Variants in KALRN observed in about 807,000 individuals in gnomAD.
The protein encoded by KALRN is kalirin RhoGEF kinase.
Under a neutral mutation model 353.7 loss-of-function variants are expected in KALRN, and 70 were observed. The observed-to-expected ratio is 0.20, with a 90% CI of 0.16 to 0.24. KALRN has a LOEUF of 0.24. Among genes scored for constraint, KALRN ranks in the 10% least tolerant of loss-of-function variants. The probability of loss-of-function intolerance (pLI) is 1.00; values close to 1 mark genes in which losing one functional copy is unlikely to be tolerated. For synonymous variants in KALRN, 1,391 were observed against 1,434.8 expected, an observed-to-expected ratio of 0.97 and a Z score of 0.69; for missense variants, 2,791 against 3,756.7, an observed-to-expected ratio of 0.74 and a Z score of 6.72.
chr3:124,174,083 A>G (rs2072302674), intron 1 of KALRN, among the ~76,000 whole-genome samples: 1 of 152,182 alleles, frequency 6.6e-6, no homozygotes, highest in Admixed American at 6.5e-5. Context: ...ATCATTATCA[A>G]AAAATTCCTG....
At chr3:124,378,062 T>A (rs1325624294) in intron 10 of KALRN, among the ~76,000 whole-genome samples, 1 of 152,112 alleles carries the variant, frequency 6.6e-6, no homozygotes, top group East Asian at 1.9e-4. Context: ...TGCTGATATG[T>A]TTAGATTTAA....
chr3:124,498,382 C>T (rs112963844), intron 33 of KALRN, among the ~76,000 whole-genome samples: 6 of 152,162 alleles, frequency 3.9e-5, no homozygotes, highest in East Asian at 3.9e-4. Flanking sequence ...CATTGAGCCC[C>T]GATGAAGGCA....
At chr3:124,557,597 A>AT (rs548047662) in intron 33 of KALRN, among the ~76,000 whole-genome samples, 207 of 152,274 alleles carry the variant, frequency 1.4e-3, no homozygotes, top group African/African-American at 4.5e-3. Flanking sequence ...CCAGCTTTAC[A>AT]TTTTTTGCCA....
chr3:124,229,216 T>C (rs916935491), intron 2 of KALRN, among the ~76,000 whole-genome samples: 29 of 152,256 alleles, frequency 1.9e-4, no homozygotes, highest in African/African-American at 7.0e-4. Context: ...ATTTACTCTC[T>C]GACCCTTTAA....
At chr3:124,213,160 G>T (rs1459139011) in intron 1 of KALRN, among the ~76,000 whole-genome samples, 2 of 152,040 alleles carry the variant, frequency 1.3e-5, no homozygotes, top group African/African-American at 4.8e-5. Context: ...TTCTCTTAAG[G>T]TTTTTAAAAA....
rs191097169 is a variant in KALRN, at chr3:124,276,658, G to T, written c.969+7403G>T. 3.5e-4 allele frequency among the ~76,000 whole-genome samples: 54 copies of T among 152,316 alleles called. No homozygotes were observed. In the Middle Eastern group the frequency reaches 0.014, roughly 39 times the overall value. On this transcript the variant is annotated intron_variant, in intron 5 of 59. Transcript: ENST00000682506. The stretch of plus-strand genomic sequence containing the variant: ...TACAATATGTAATTCTTTTCGGAAT[G>T]TTCAAAGTATTTTCACACCCATGAC...
chr3:124,714,427 A>G (rs1311796153), intron 58 of KALRN, among the ~76,000 whole-genome samples: 1 of 152,200 alleles, frequency 6.6e-6, no homozygotes, highest in Non-Finnish European at 1.5e-5. Context: ...ACTGTAGTGC[A>G]ATGGAAAGAA....
At chr3:124,699,428 T>C (rs1260658680) in intron 55 of KALRN, among the ~76,000 whole-genome samples, 1 of 152,254 alleles carries the variant, frequency 6.6e-6, no homozygotes, top group Non-Finnish European at 1.5e-5. Context: ...GAGAGAATTA[T>C]GTTGAAAACA....
chr3:124,500,335 ATGCATC>A (rs1172854804), intron 33 of KALRN, among the ~76,000 whole-genome samples: 10 of 152,220 alleles, frequency 6.6e-5, no homozygotes, highest in Non-Finnish European at 1.5e-4. Context: ...TATTGGATAA[ATGCATC>A]TTCTGCAGCT....
chr3:124,385,199 A>G (rs552180476), intron 11 of KALRN, among the ~76,000 whole-genome samples, 163 bp downstream of exon 11: 3 of 152,318 alleles, frequency 2.0e-5, no homozygotes, highest in Admixed American at 2.0e-4. Context: ...GCCTGCATTT[A>G]GGTCTCTCCG....
intron 19 of KALRN, among the ~76,000 whole-genome samples, chr3:124,445,113 T>C (rs749825798): frequency 1.3e-5 from 2 of 152,208 alleles, no homozygotes; most frequent in Non-Finnish European, 2.9e-5. Flanking sequence ...TGCCCTTTCC[T>C]ATCTGAACAA....
At chr3:124,239,942 A>G (rs2080237870) in intron 3 of KALRN, among the ~76,000 whole-genome samples, 1 of 152,214 alleles carries the variant, frequency 6.6e-6, no homozygotes, top group Non-Finnish European at 1.5e-5. Flanking sequence ...AATAGGACCA[A>G]TGAGAACATT....
At chr3:124,448,492 T>C (rs2093912596) in intron 21 of KALRN, among the ~76,000 whole-genome samples, 1 of 152,248 alleles carries the variant, frequency 6.6e-6, no homozygotes, top group Non-Finnish European at 1.5e-5. Context: ...TCCAGCTGAA[T>C]GGATGTATTC....
intron 1 of KALRN, among the ~76,000 whole-genome samples, chr3:124,128,565 G>T (rs2064941169): frequency 6.6e-6 from 1 of 152,140 alleles, no homozygotes; most frequent in Non-Finnish European, 1.5e-5. Flanking sequence ...CCTCTGAGTT[G>T]ACAATACAGG....
intron 33 of KALRN, among the ~76,000 whole-genome samples, chr3:124,497,653 G>C (rs887809492): frequency 6.6e-5 from 10 of 152,078 alleles, no homozygotes; most frequent in Non-Finnish European, 1.2e-4. Flanking sequence ...TTTTCCACTT[G>C]TGAAAACATA....
chr3:124,107,631 T>C (rs1252226746), intron 1 of KALRN, among the ~76,000 whole-genome samples: 2 of 152,180 alleles, frequency 1.3e-5, no homozygotes, highest in Non-Finnish European at 2.9e-5. Flanking sequence ...GTGTTGACTC[T>C]TTCCCTGCCA....
chr3:124,491,294 C>T (rs747733494), intron 30 of KALRN, 29 bp from the exon 31 acceptor site: 4 of 1,506,052 alleles, frequency 2.7e-6, no homozygotes, highest in Admixed American at 2.0e-5. Context: ...TCCCCTTCCC[C>T]GCCTCTCATA....
chr3:124,035,545 C>G (rs2039337756), intron 1 of KALRN, among the ~76,000 whole-genome samples: 1 of 152,202 alleles, frequency 6.6e-6, no homozygotes, highest in South Asian at 2.1e-4. Flanking sequence ...GTGCCCACTC[C>G]TCTTTCCCCT....
intron 51 of KALRN, among the ~76,000 whole-genome samples, chr3:124,688,818 C>T (rs2061678981): frequency 6.6e-6 from 1 of 152,194 alleles, no homozygotes; most frequent in South Asian, 2.1e-4. Flanking sequence ...GGAAAATAGA[C>T]GCCAAGATTT....
Sources: gnomAD v4.1 joint callset for allele counts (sites outside exome capture counted in the v4.1 genomes callset) on GRCh38, gnomAD v4.1.1 for gene constraint, MANE v1.5 for transcripts, NCBI Gene and HGNC (gene_info 2026-07-23, HGNC 2026-07-21) for gene names.